The following DAZAP1 variants were observed in gnomAD, a reference collection of about 807,000 sequenced individuals.
DAZAP1 encodes DAZ-associated protein 1.
DAZAP1 carries 6 observed loss-of-function variants against 60.1 expected under a neutral mutation model. That is an observed-to-expected ratio of 0.10 (90% confidence interval 0.05 to 0.20). The LOEUF is 0.20. DAZAP1 is among the 10% of genes least tolerant of loss of function. The pLI is 1.00. For synonymous variants in DAZAP1, 235 were observed against 215.9 expected (o/e 1.09, Z -0.78); for missense variants, 366 against 560.4 (o/e 0.65, Z 3.50).
intron 1 of DAZAP1, among the ~76,000 whole-genome samples, chr19:1,408,480 G>A (rs2082729257): frequency 2.0e-5 from 3 of 152,242 alleles, no homozygotes; most frequent in Admixed American, 6.5e-5. Flanking sequence ...GAGGGTTCCG[G>A]TTCTGCCACC....
chr19:1,411,297 C>A (rs1314101788), intron 1 of DAZAP1, among the ~76,000 whole-genome samples: 12 of 152,238 alleles, frequency 7.9e-5, no homozygotes, highest in Admixed American at 7.8e-4. Context: ...CTGCAGGGTG[C>A]TGGGCAGCAC....
rs1752729292 is a variant in DAZAP1, at chr19:1,407,639, C to CCGCCGT, written c.-130_-129insTCGCCG. The stretch of plus-strand genomic sequence containing the variant: ...GAGGCAGCCGCCGCCGCCGCCGCCG[C>CCGCCGT]CGCCGCCGCCGCCGCCGCCGCCGTT... On this transcript the variant is annotated 5_prime_UTR_variant, in exon 1 of 12. Coordinates refer to ENST00000233078, the MANE Select transcript of DAZAP1 (RefSeq NM_018959.4). 10 of 894,674 alleles carry CCGCCGT rather than the reference C, an allele frequency of 1.1e-5. No homozygotes were observed. Among genetic ancestry groups the CCGCCGT allele is most frequent in the Non-Finnish European group, 1.3e-5 (10 of 745,868 alleles). 55.4% of individuals were successfully genotyped at this position (894,674 alleles called of 1,614,324 possible).
chr19:1,411,548 C>CT (rs1358016331), intron 1 of DAZAP1, among the ~76,000 whole-genome samples: 1 of 152,202 alleles, frequency 6.6e-6, no homozygotes, highest in East Asian at 1.9e-4. Context: ...ACTGGCTCGC[C>CT]TTGGCTCCAA....
chr19:1,410,867 G>A (rs2082809453), intron 1 of DAZAP1, among the ~76,000 whole-genome samples: 1 of 152,254 alleles, frequency 6.6e-6, no homozygotes. Context: ...TTGTAGGAAA[G>A]TCACAGAGGG....
intron 4 of DAZAP1, among the ~76,000 whole-genome samples, chr19:1,419,019 G>C (rs1050704452): frequency 7.3e-5 from 11 of 151,388 alleles, no homozygotes; most frequent in Admixed American, 2.6e-4. Flanking sequence ...CCTCTGTGCC[G>C]GGCCTGCCCC....
intron 10 of DAZAP1, among the ~76,000 whole-genome samples, chr19:1,431,655 C>T (rs186465210): frequency 6.6e-6 from 1 of 152,202 alleles, no homozygotes; most frequent in African/African-American, 2.4e-5. Context: ...TCTTGAACTC[C>T]TGACCTCAGC....
chr19:1,418,837 G>T lies in DAZAP1; in HGVS notation c.303+106G>T. On this transcript the variant is annotated intron_variant, in intron 4 of 11. Transcript: ENST00000233078. This position sits in a 1 kb window ranked among gnomAD's most constrained non-coding sequence, Gnocchi z 5.7. ...GTCGCTCGTTAAGATTGAGGGCGAC[G>T]CAGGTCTTCTGGGTTGGCACTCGAG... The T allele has an allele frequency of 8.2e-7, 1 of 1,213,616 alleles. No individual in the cohort carries two copies. Among genetic ancestry groups the T allele is most frequent in the Non-Finnish European group, 1.2e-6 (1 of 865,076 alleles). 75.2% of individuals were successfully genotyped at this position (1,213,616 alleles called of 1,614,324 possible).
chr19:1,416,351 G>A lies in DAZAP1; in HGVS notation c.30-1149G>A, dbSNP rs539737271. 3 of 152,438 alleles carry A rather than the reference G, an allele frequency of 2.0e-5. No individual in the cohort carries two copies. The highest frequency in any genetic ancestry group is 2.1e-4 in the South Asian group (1 of 4,824). 9.4% of individuals were successfully genotyped at this position (152,438 alleles called of 1,614,324 possible). ...CTCAGGTGGGAGCTTTGGCCTGCACGGTGTTTTGCTCTCTGGAGACCAAGG... is the reference window on the plus strand; with the variant it reads ...CTCAGGTGGGAGCTTTGGCCTGCACAGTGTTTTGCTCTCTGGAGACCAAGG... On this transcript the variant is annotated intron_variant, in intron 1 of 11. Coordinates refer to ENST00000233078, the MANE Select transcript of DAZAP1 (RefSeq NM_018959.4). This position sits in a 1 kb window ranked among gnomAD's most constrained non-coding sequence, Gnocchi z 4.3.
At position 1,420,073 on chromosome 19, in the gene DAZAP1, T is replaced by TGA. The variant is rs1369646092; in HGVS notation, c.304-1075_304-1074insGA. 1.5e-3 allele frequency among the ~76,000 whole-genome samples: 74 copies of TGA among 50,852 alleles called. 1 individual carries two copies. The highest frequency in any genetic ancestry group is 0.013 in the East Asian group (16 of 1,220). The allele number at this position is 50,852 out of a possible 152,430, so 33.4% of individuals were successfully genotyped here. The stretch of plus-strand genomic sequence containing the variant: ...ACGCGCACACTCATGAAACCATCCC[T>TGA]ACAGTCACGGCAGCGAGCACTCACC... On this transcript the variant is annotated intron_variant, in intron 4 of 11. Transcript: ENST00000233078.
At chr19:1,411,446 G>T (rs114553759) in intron 1 of DAZAP1, among the ~76,000 whole-genome samples, 3 of 152,204 alleles carry the variant, frequency 2.0e-5, no homozygotes, top group Admixed American at 6.5e-5. Flanking sequence ...TTGCCCCTGC[G>T]CTGGGGGCCG....
At chr19:1,421,765 G>A (rs1479424660) in intron 5 of DAZAP1, among the ~76,000 whole-genome samples, 1 of 152,192 alleles carries the variant, frequency 6.6e-6, no homozygotes, top group Non-Finnish European at 1.5e-5. Flanking sequence ...CTCCTGCCGT[G>A]CCCCGCAGGT....
Position 1,434,628 on chromosome 19 carries a change from A to C in DAZAP1, c.1049-109A>C. The C allele has an allele frequency of 8.5e-7, 1 of 1,183,122 alleles. No individual in the cohort carries two copies. Among genetic ancestry groups the C allele is most frequent in the Non-Finnish European group, 1.2e-6 (1 of 823,396 alleles). The allele number at this position is 1,183,122 out of a possible 1,614,324, so 73.3% of individuals were successfully genotyped here. On this transcript the variant is annotated intron_variant, in intron 11 of 11. Transcript: ENST00000233078. The surrounding 1 kb of genome is among the most constrained non-coding windows in gnomAD (Gnocchi z 8.0). ...AAGGGCCCCACCCGCACCCCGTGGG[A>C]CCCGTGGACTCAAGGCAGGCTCGGC...
rs1192265345 is a variant in DAZAP1, at chr19:1,434,936, C to T, written c.*24C>T. The T allele has an allele frequency of 8.1e-6, 11 of 1,350,120 alleles. No homozygotes were observed. Among genetic ancestry groups the T allele is most frequent in the Admixed American group, 3.9e-5 (1 of 25,826 alleles). The allele number at this position is 1,350,120 out of a possible 1,614,324, so 83.6% of individuals were successfully genotyped here. A position where few individuals can be genotyped will look rare whatever the true frequency, so the allele number is the denominator to read the frequency against. On this transcript the variant is annotated 3_prime_UTR_variant, in exon 12 of 12. Transcript: ENST00000233078. The surrounding 1 kb of genome is among the most constrained non-coding windows in gnomAD (Gnocchi z 8.0). ...AGCCCGCGGCGCCGCGACGTCTGCACGGCCCAGACCCAGGATTCCAAACTT... is the reference window on the plus strand; with the variant it reads ...AGCCCGCGGCGCCGCGACGTCTGCATGGCCCAGACCCAGGATTCCAAACTT...
At position 1,430,264 on chromosome 19, in the gene DAZAP1, C is replaced by CCCCCCCCCCCGGA; in HGVS notation, c.773_774insCCCCCCCCCCGGA (p.Phe262GlyfsTer169). On this transcript the variant is annotated frameshift_variant, in exon 10 of 12. Coordinates refer to ENST00000233078, the MANE Select transcript of DAZAP1 (RefSeq NM_018959.4). LOFTEE classifies it high-confidence loss of function. ...CCTGCAGGAAGAGGAGCCCCCCCGC[C>CCCCCCCCCCCGGA]ACCCCCACCGTTCACCTCCTACATC... 7.8e-7 allele frequency: 1 copy of CCCCCCCCCCCGGA among 1,276,788 alleles called. No individual in the cohort carries two copies. The highest frequency in any genetic ancestry group is 1.1e-6 in the Non-Finnish European group (1 of 904,772). The allele number at this position is 1,276,788 out of a possible 1,614,324, so 79.1% of individuals were successfully genotyped here.
rs769528419 is a variant in DAZAP1 at position 1,428,885 on chromosome 19, C to T, written c.590C>T (p.Ala197Val). ...RAEPRDSKSQ[A>V]PGQPGASQWG... The stretch of plus-strand genomic sequence containing the variant: ...GAGCCTCGGGACAGCAAGAGCCAAG[C>T]GCCGGGACAGCCAGGTGCCAGCCAG... The change falls in exon 8 of 12, where the codon GCG (alanine) becomes GTG (valine). Residue 197 changes from alanine to valine, a missense_variant. Ala to Val is a moderately conservative substitution (Grantham distance 64). Coordinates refer to ENST00000233078, the MANE Select transcript of DAZAP1 (RefSeq NM_018959.4). This position sits in a 1 kb window ranked among gnomAD's most constrained non-coding sequence, Gnocchi z 4.0. 21 of 1,613,064 alleles carry T rather than the reference C, an allele frequency of 1.3e-5. No individual in the cohort carries two copies. Among genetic ancestry groups the T allele is most frequent in the South Asian group, 4.4e-5 (4 of 91,078 alleles).
chr19:1,430,840 T>C (rs980264724), intron 10 of DAZAP1, among the ~76,000 whole-genome samples: 3 of 151,216 alleles, frequency 2.0e-5, no homozygotes. Flanking sequence ...CCTGCCTCAG[T>C]CTCCCGAGTA....
Position 1,433,447 on chromosome 19 carries a change from G to T in DAZAP1, c.1048+757G>T, listed in dbSNP as rs1051502606. 4.5e-6 allele frequency: 2 copies of T among 441,316 alleles called. No individual in the cohort carries two copies. The highest frequency in any genetic ancestry group is 2.7e-5 in the South Asian group (1 of 37,210). 27.3% of individuals were successfully genotyped at this position (441,316 alleles called of 1,614,324 possible). ...CTGCAGGTGGCCACGGGCTTCCGGG[G>T]TGCCTGTGAACACGCTTCCTCTAGG... On this transcript the variant is annotated intron_variant, in intron 11 of 11. Transcript: ENST00000233078. The surrounding 1 kb of genome is among the most constrained non-coding windows in gnomAD (Gnocchi z 6.1).
intron 9 of DAZAP1, 34 bp from the exon 10 acceptor site, chr19:1,430,186 GCT>G (rs766386912): frequency 1.6e-5 from 25 of 1,581,840 alleles, no homozygotes; most frequent in African/African-American, 4.1e-5. Context: ...GTTGTCCAGC[GCT>G]CTCTGTCCAT....
Position 1,425,238 on chromosome 19 carries a change from C to G in DAZAP1, c.464-640C>G, listed in dbSNP as rs2083277430. Among the ~76,000 whole-genome samples, 1 of 152,172 alleles carries G rather than the reference C, an allele frequency of 6.6e-6. No individual in the cohort carries two copies. The highest frequency in any genetic ancestry group is 6.5e-5 in the Admixed American group (1 of 15,284). On this transcript the variant is annotated intron_variant, in intron 6 of 11. Coordinates refer to ENST00000233078, the MANE Select transcript of DAZAP1 (RefSeq NM_018959.4). This position sits in a 1 kb window ranked among gnomAD's most constrained non-coding sequence, Gnocchi z 5.4. ...GCTTACCCAACGGTGTTGCGTAAGC[C>G]TAGCGAGGCACCAGCTATGATAGAT...
Sources: gnomAD v4.1 joint callset for allele counts (sites outside exome capture counted in the v4.1 genomes callset) on GRCh38, gnomAD v4.1.1 for gene constraint, Gnocchi (gnomAD v3.1) non-coding constraint, MANE v1.5 for transcripts, NCBI Gene and HGNC (gene_info 2026-07-23, HGNC 2026-07-21) for gene names.